SMCO4: variants seen among roughly 807,000 people sequenced by gnomAD.
The protein encoded by SMCO4 is single-pass membrane protein with coiled-coil domains 4.
Under a neutral mutation model 3.6 loss-of-function variants are expected in SMCO4, and 4 were observed. The observed-to-expected ratio is 1.11, with a 90% CI of 0.54 to 2.53. SMCO4 has a LOEUF of 2.53. Among genes scored for constraint, SMCO4 ranks in the 30% most tolerant of loss-of-function variants. The pLI is 0.02. For missense variants in SMCO4, 70 were observed against 80.8 expected, an observed-to-expected ratio of 0.87 and a Z score of 0.51; for synonymous variants, 36 against 35.3, an observed-to-expected ratio of 1.02 and a Z score of -0.07.
intron 1 of SMCO4, among the ~76,000 whole-genome samples, chr11:93,501,934 C>CAGA (rs1948843103): frequency 6.6e-6 from 1 of 152,030 alleles, no homozygotes; most frequent in African/African-American, 2.4e-5. Flanking sequence ...ACTTGGAACC[C>CAGA]CTGCTATGCC....
chr11:93,543,736 G>A (rs919313892), upstream of SMCO4, among the ~76,000 whole-genome samples: 4 of 152,234 alleles, frequency 2.6e-5, no homozygotes, highest in East Asian at 5.8e-4. Flanking sequence ...GGAGGCAAAC[G>A]CCATGTCTGT....
chr11:93,515,212 A>G (rs1948998115), intron 1 of SMCO4, among the ~76,000 whole-genome samples: 1 of 152,218 alleles, frequency 6.6e-6, no homozygotes, highest in Admixed American at 6.5e-5. Context: ...CAACTCTGTG[A>G]TTTTAAAAAG....
At chr11:93,501,528 A>G (rs1032045478) in intron 1 of SMCO4, among the ~76,000 whole-genome samples, 9 of 152,062 alleles carry the variant, frequency 5.9e-5, no homozygotes, top group African/African-American at 2.2e-4. Flanking sequence ...CCATCTTGAC[A>G]TATGCCCTCT....
At chr11:93,480,659 G>A (rs1283391006) in intron 2 of SMCO4, among the ~76,000 whole-genome samples, 2 of 152,192 alleles carry the variant, frequency 1.3e-5, no homozygotes, top group Non-Finnish European at 2.9e-5. Context: ...CTAGCAGAGG[G>A]ACCTATGCTG....
intron 2 of SMCO4, chr11:93,481,399 T>C: frequency 2.0e-6 from 2 of 984,478 alleles, no homozygotes; most frequent in South Asian, 9.4e-5. Flanking sequence ...TGAGCTCCTC[T>C]AAGCCTGACT....
chr11:93,548,519 A>G, the SMCO4 span, among the ~76,000 whole-genome samples: 1 of 152,038 alleles, frequency 6.6e-6, no homozygotes, highest in Non-Finnish European at 1.5e-5. Context: ...TCTGCCTCAT[A>G]CCTACTTGGC....
At chr11:93,507,579 T>C (rs1029934717) in intron 1 of SMCO4, among the ~76,000 whole-genome samples, 1 of 152,230 alleles carries the variant, frequency 6.6e-6, no homozygotes, top group African/African-American at 2.4e-5. Context: ...TAATGATGCA[T>C]GATGTTACAA....
intron 1 of SMCO4, among the ~76,000 whole-genome samples, chr11:93,525,079 C>T (rs1949093811): frequency 6.6e-6 from 1 of 152,192 alleles, no homozygotes; most frequent in African/African-American, 2.4e-5. Context: ...ACTGTACTGC[C>T]ACTCCCAGCT....
intron 1 of SMCO4, among the ~76,000 whole-genome samples, chr11:93,534,375 T>TATATATATAG (rs369643237): frequency 1.2e-4 from 17 of 142,130 alleles, no homozygotes; most frequent in East Asian, 4.1e-4. Flanking sequence ...TATATATATA[T>TATATATATAG]AGAGAGAGAG....
At chr11:93,496,621 T>C (rs571698276) in intron 2 of SMCO4, among the ~76,000 whole-genome samples, 9 of 152,244 alleles carry the variant, frequency 5.9e-5, no homozygotes, top group Non-Finnish European at 1.2e-4. Flanking sequence ...GTCCTGCCAC[T>C]GTGCCAATTC....
intron 2 of SMCO4, among the ~76,000 whole-genome samples, chr11:93,488,498 G>A (rs189844451): frequency 2.8e-4 from 43 of 152,292 alleles, no homozygotes; most frequent in African/African-American, 9.9e-4. Context: ...GTCTGATACC[G>A]AGTACACTTT....
intron 1 of SMCO4, among the ~76,000 whole-genome samples, chr11:93,538,503 A>G (rs76046234): frequency 0.017 from 2,565 of 152,256 alleles, 86 homozygotes; most frequent in African/African-American, 0.058. Flanking sequence ...ATCCAACTTC[A>G]TTCTCTGCGA....
chr11:93,484,688 CTTT>C (rs10707335), intron 2 of SMCO4, among the ~76,000 whole-genome samples: 8 of 143,780 alleles, frequency 5.6e-5, no homozygotes, highest in Admixed American at 6.9e-5. Context: ...CCAGGGAATT[CTTT>C]TTTTTTTTTT....
chr11:93,492,289 C>A (rs1033402221), intron 2 of SMCO4, among the ~76,000 whole-genome samples: 1 of 152,166 alleles, frequency 6.6e-6, no homozygotes, highest in African/African-American at 2.4e-5. Context: ...CTACCACGTG[C>A]CACAAGCTGA....
At position 93,478,758 on chromosome 11, in the gene SMCO4, C is replaced by T. The variant is rs947856964; in HGVS notation, c.*252G>A. The T allele has an allele frequency of 5.4e-5, 50 of 925,874 alleles. 1 individual carries two copies. The highest frequency in any genetic ancestry group is 8.7e-5 in the African/African-American group (5 of 57,790). 57.4% of individuals were successfully genotyped at this position (925,874 alleles called of 1,614,324 possible). A position where few individuals can be genotyped will look rare whatever the true frequency, so the allele number is the denominator to read the frequency against. ...ACACACACACACACACACACATGCG[C>T]GCGCGCTTTGAAGTCTGAAAGGCAC... is the stretch of plus-strand genomic sequence containing the variant. On this transcript the variant is annotated 3_prime_UTR_variant, in exon 3 of 3. Coordinates refer to ENST00000298966, the MANE Select transcript of SMCO4 (RefSeq NM_020179.3).
rs143028794 is a variant in SMCO4, at chr11:93,541,455, C to T, written c.-154+1821G>A. 2.8e-3 allele frequency among the ~76,000 whole-genome samples: 432 copies of T among 152,286 alleles called. 4 individuals carry two copies. Among genetic ancestry groups the T allele is most frequent in the African/African-American group, 1.0e-2 (415 of 41,566 alleles). ...TGGCAGAAGCATAGTTGTACAAGGA[C>T]CCCAGCATCAGTCAGACAGAAGGAA... On this transcript the variant is annotated intron_variant, in intron 1 of 2. Coordinates refer to ENST00000298966, the MANE Select transcript of SMCO4 (RefSeq NM_020179.3).
intron 1 of SMCO4, chr11:93,535,424 A>G: frequency 1.6e-6 from 2 of 1,217,780 alleles, no homozygotes; most frequent in Non-Finnish European, 2.3e-6. Context: ...ACCAGTTCTC[A>G]CTGCTAGGGG....
chr11:93,511,202 A>G (rs1948954029), intron 1 of SMCO4, among the ~76,000 whole-genome samples: 1 of 152,156 alleles, frequency 6.6e-6, no homozygotes, highest in Non-Finnish European at 1.5e-5. Context: ...GTAAGACAGG[A>G]AGAAGAAAGG....
chr11:93,486,914 G>C (rs1358196414), intron 2 of SMCO4, among the ~76,000 whole-genome samples: 1 of 152,200 alleles, frequency 6.6e-6, no homozygotes, highest in Non-Finnish European at 1.5e-5. Flanking sequence ...CGCTCCCTAA[G>C]AAGTGGCTGC....
Sources: allele counts gnomAD v4.1 joint callset (sites outside exome capture counted in the v4.1 genomes callset), GRCh38; gene constraint gnomAD v4.1.1; transcripts MANE v1.5; gene names NCBI Gene and HGNC (gene_info 2026-07-23, HGNC 2026-07-21).